The following ATF7IP variants were observed in gnomAD, a reference collection of about 807,000 sequenced individuals.
ATF7IP encodes the protein activating transcription factor 7 interacting protein.
ATF7IP carries 23 observed loss-of-function variants against 106.4 expected under a neutral mutation model. The observed-to-expected ratio is 0.22, with a 90% confidence interval of 0.16 to 0.31. The LOEUF (loss-of-function observed/expected upper bound fraction) is 0.31, where lower values mean the gene tolerates loss of function less well. ATF7IP is among the 10% of genes least tolerant of loss of function. The probability of loss-of-function intolerance (pLI) is 1.00; values close to 1 mark genes in which losing one functional copy is unlikely to be tolerated. For missense variants in ATF7IP, 1,334 were observed against 1,524.3 expected, an observed-to-expected ratio of 0.88 and a Z score of 2.08; for synonymous variants, 542 against 539.0, an observed-to-expected ratio of 1.01 and a Z score of -0.08.
chr12:14,410,947 A>T lies in ATF7IP; in HGVS notation c.-7-12962A>T, dbSNP rs1490819273. Among the ~76,000 whole-genome samples, 4 of 152,152 alleles carry T rather than the reference A, an allele frequency of 2.6e-5. No individual in the cohort carries two copies. In the East Asian group the frequency reaches 7.7e-4, roughly 29 times the overall value. On this transcript the variant is annotated intron_variant, in intron 1 of 14. Coordinates refer to ENST00000261168, the MANE Select transcript of ATF7IP (RefSeq NM_018179.5). Reference sequence around the variant, plus strand: ...TTTCAAAGTTAATGCATGTAGTAGCATGTACAGTACTTCATTCCGTTTATG... The same window carrying T: ...TTTCAAAGTTAATGCATGTAGTAGCTTGTACAGTACTTCATTCCGTTTATG...
intron 1 of ATF7IP, among the ~76,000 whole-genome samples, chr12:14,390,391 G>A (rs1036002114): frequency 1.3e-5 from 2 of 152,130 alleles, no homozygotes; most frequent in South Asian, 4.1e-4. Context: ...AACAAGTAAC[G>A]ATTGAAAGTG....
chr12:14,494,330 T>C (rs1288167224), intron 13 of ATF7IP, among the ~76,000 whole-genome samples: 15 of 115,014 alleles, frequency 1.3e-4, no homozygotes, highest in Non-Finnish European at 1.8e-5. Flanking sequence ...TATATATATA[T>C]ATATGTGTGT....
At chr12:14,483,290 A>G (rs1944486573) in intron 13 of ATF7IP, among the ~76,000 whole-genome samples, 1 of 152,182 alleles carries the variant, frequency 6.6e-6, no homozygotes, top group Non-Finnish European at 1.5e-5. Context: ...GGGCATGGTA[A>G]TACTAAGAGA....
intron 3 of ATF7IP, among the ~76,000 whole-genome samples, chr12:14,435,507 A>G (rs565621639): frequency 1.3e-5 from 2 of 152,348 alleles, no homozygotes; most frequent in South Asian, 4.1e-4. Flanking sequence ...GAATATTAAC[A>G]GCACGTGAAA....
At chr12:14,472,374 T>C (rs1411332942) in intron 10 of ATF7IP, among the ~76,000 whole-genome samples, 6 of 152,198 alleles carry the variant, frequency 3.9e-5, no homozygotes, top group Non-Finnish European at 8.8e-5. Flanking sequence ...ATTTAGAAAA[T>C]AAAAATTATA....
At chr12:14,376,101 T>G (rs1482078692) in intron 1 of ATF7IP, among the ~76,000 whole-genome samples, 1 of 152,228 alleles carries the variant, frequency 6.6e-6, no homozygotes, top group Non-Finnish European at 1.5e-5. Context: ...TCACTAAATT[T>G]ACAGTAAACA....
intron 10 of ATF7IP, among the ~76,000 whole-genome samples, chr12:14,470,386 AT>A (rs1299670355): frequency 6.6e-6 from 1 of 152,170 alleles, no homozygotes; most frequent in Non-Finnish European, 1.5e-5. Context: ...ATTTGATATA[AT>A]TTTTTAATGA....
intron 11 of ATF7IP, among the ~76,000 whole-genome samples, chr12:14,477,129 CAT>C (rs1162572739): frequency 2.0e-5 from 3 of 152,118 alleles, no homozygotes; most frequent in African/African-American, 4.8e-5. Context: ...AATATAATAT[CAT>C]GTGCTGAGTT....
intron 2 of ATF7IP, among the ~76,000 whole-genome samples, chr12:14,425,898 C>T (rs909140220): frequency 6.6e-6 from 1 of 152,308 alleles, no homozygotes; most frequent in African/African-American, 2.4e-5. Flanking sequence ...TTAATATTCC[C>T]AATGAAATCC....
chr12:14,497,642 C>A lies in ATF7IP; in HGVS notation c.3394-12C>A. The A allele has an allele frequency of 1.2e-6, 2 of 1,606,816 alleles. No homozygotes were observed. Among genetic ancestry groups the A allele is most frequent in the South Asian group, 2.2e-5 (2 of 90,368 alleles). On this transcript the variant is annotated splice_polypyrimidine_tract_variant and intron_variant, in intron 14 of 14. Coordinates refer to ENST00000261168, the MANE Select transcript of ATF7IP (RefSeq NM_018179.5). The stretch of plus-strand genomic sequence containing the variant: ...TGCAATCATCATTAATCAGTGTGAC[C>A]TGTTTCTTCAGGAGCCCCCACGCCC...
At chr12:14,426,383 A>C (rs1464393597) in intron 2 of ATF7IP, among the ~76,000 whole-genome samples, 1 of 152,086 alleles carries the variant, frequency 6.6e-6, no homozygotes, top group Non-Finnish European at 1.5e-5. Context: ...CATCTCTGAG[A>C]GAAGTGACCT....
intron 1 of ATF7IP, among the ~76,000 whole-genome samples, chr12:14,390,622 C>T (rs1939492402): frequency 6.6e-6 from 1 of 152,150 alleles, no homozygotes; most frequent in African/African-American, 2.4e-5. Context: ...AAGATTTTTG[C>T]TCAAATTAGT....
chr12:14,381,031 G>T (rs1938982193), intron 1 of ATF7IP, among the ~76,000 whole-genome samples: 1 of 152,154 alleles, frequency 6.6e-6, no homozygotes, highest in African/African-American at 2.4e-5. Context: ...GTATCTTTCT[G>T]CTTCTTAAAC....
At position 14,383,386 on chromosome 12, in the gene ATF7IP, A is replaced by G. The variant is rs559313203; in HGVS notation, c.-8+17559A>G. On this transcript the variant is annotated intron_variant, in intron 1 of 14. Transcript: ENST00000261168. ...TAAATCTTTGTGGATCAGACTTCCTAAAAACACTTTGCTTCCAGAATGTAA... is the reference window on the plus strand; with the variant it reads ...TAAATCTTTGTGGATCAGACTTCCTGAAAACACTTTGCTTCCAGAATGTAA... 7.9e-5 allele frequency among the ~76,000 whole-genome samples: 12 copies of G among 152,294 alleles called. No individual in the cohort carries two copies. In the East Asian group the frequency reaches 2.3e-3, roughly 29 times the overall value.
At chr12:14,473,290 C>CTGTGTGTG (rs869266316) in intron 10 of ATF7IP, among the ~76,000 whole-genome samples, 5 of 130,020 alleles carry the variant, frequency 3.8e-5, no homozygotes, top group African/African-American at 8.9e-5. Context: ...CTCTCTCTCT[C>CTGTGTGTG]TGTGTGTGTG....
intron 1 of ATF7IP, among the ~76,000 whole-genome samples, chr12:14,422,151 T>C (rs957300086): frequency 6.6e-6 from 1 of 152,012 alleles, no homozygotes; most frequent in African/African-American, 2.4e-5. Flanking sequence ...TTAAGCTCTT[T>C]CCAAGAAAAA....
chr12:14,490,576 T>G (rs4617646), intron 13 of ATF7IP, among the ~76,000 whole-genome samples: 82,930 of 152,040 alleles, frequency 0.55, 23,099 homozygotes, highest in African/African-American at 0.66. Context: ...AGAAAGGGAC[T>G]GTAGTGCTGC....
chr12:14,407,859 A>G (rs762129550), intron 1 of ATF7IP, among the ~76,000 whole-genome samples: 13 of 152,174 alleles, frequency 8.5e-5, no homozygotes, highest in Non-Finnish European at 1.6e-4. Flanking sequence ...AAAAAAGTAT[A>G]AGGCATACTT....
chr12:14,458,007 T>C (rs535794771), intron 8 of ATF7IP, among the ~76,000 whole-genome samples: 3 of 151,850 alleles, frequency 2.0e-5, no homozygotes, highest in Non-Finnish European at 4.4e-5. Context: ...GGCAGGAGAA[T>C]TGAGCTTGAA....
Sources: gnomAD v4.1 joint callset for allele counts (sites outside exome capture counted in the v4.1 genomes callset) on GRCh38, gnomAD v4.1.1 for gene constraint, MANE v1.5 for transcripts, NCBI Gene and HGNC (gene_info 2026-07-23, HGNC 2026-07-21) for gene names.